GAPDHS: variants seen among roughly 807,000 people sequenced by gnomAD.
GAPDHS encodes glyceraldehyde-3-phosphate dehydrogenase, testis-specific.
GAPDHS carries 42 observed loss-of-function variants against 48.7 expected under a neutral mutation model. The ratio of observed to expected loss-of-function variants is 0.86; its 90% CI spans 0.67 to 1.12. GAPDHS has a LOEUF of 1.12. Ranked by LOEUF, GAPDHS falls within the 50% of genes most tolerant of loss-of-function variation. The pLI, the probability that GAPDHS is intolerant of heterozygous loss-of-function variation, is 0.00. For synonymous variants in GAPDHS, 166 were observed against 219.1 expected, an observed-to-expected ratio of 0.76 and a Z score of 2.14; for missense variants, 512 against 557.7, an observed-to-expected ratio of 0.92 and a Z score of 0.82.
In GAPDHS at chr19:35,538,570, C is replaced by T. The variant is rs778347393; in HGVS notation, c.343-7C>T. 4 of 1,562,768 alleles carry T rather than the reference C, an allele frequency of 2.6e-6. No homozygotes were observed. In the South Asian group the frequency reaches 4.5e-5, roughly 17 times the overall value. On this transcript the variant is annotated splice_polypyrimidine_tract_variant and splice_region_variant and intron_variant, in intron 3 of 10. Transcript: ENST00000222286. ...CCCAAGACTAGGAGCCATTCCATCC[C>T]CCACAGGTGTACATGTTTAAGTATG...
At chr19:35,536,151 G>A (rs2071464839) in intron 1 of GAPDHS, among the ~76,000 whole-genome samples, 2 of 151,992 alleles carry the variant, frequency 1.3e-5, no homozygotes. Context: ...ACATTTCCTC[G>A]GCTTGGTCAT....
chr19:35,536,280 G>T (rs563482281), intron 1 of GAPDHS, among the ~76,000 whole-genome samples: 13 of 151,982 alleles, frequency 8.6e-5, no homozygotes, highest in Non-Finnish European at 1.5e-4. Flanking sequence ...AGCGATCTAT[G>T]TTGAAAGTAC....
At chr19:35,536,787 C>A in intron 1 of GAPDHS, 26 bp from the exon 2 acceptor site, 1 of 1,561,576 alleles carries the variant, frequency 6.4e-7, no homozygotes. Flanking sequence ...GGTCATGCAA[C>A]CCATTCCCTC....
chr19:35,542,414 G>C lies in GAPDHS; in HGVS notation c.540+5G>C. ...CTCTCCATACAGGCAGCTTCGGTAA[G>C]CTGGGGAGAGGTGCCCAGGGCTAGC... On this transcript the variant is annotated splice_donor_5th_base_variant and intron_variant, in intron 5 of 10. Transcript: ENST00000222286. 1.2e-6 allele frequency: 2 copies of C among 1,610,684 alleles called. No individual in the cohort carries two copies. The highest frequency in any genetic ancestry group is 4.5e-5 in the East Asian group (2 of 44,848).
chr19:35,543,375 A>C lies in GAPDHS; in HGVS notation c.777A>C (p.Thr259=). Residue 259 remains threonine (T), a synonymous_variant, in exon 8 of 11, where the codon ACA becomes ACC. Coordinates refer to ENST00000222286, the MANE Select transcript of GAPDHS (RefSeq NM_014364.5). Reference sequence around the variant, plus strand: ...ATTCCTACACGGCCACCCAGAAGACAGTGGACGGGCCATCAAGGAAGGCCT... The same window carrying C: ...ATTCCTACACGGCCACCCAGAAGACCGTGGACGGGCCATCAAGGAAGGCCT... ...TVHSYTATQK[T]VDGPSRKAWR... The C allele has an allele frequency of 6.2e-7, 1 of 1,612,924 alleles. No homozygotes were observed. The highest frequency in any genetic ancestry group is 8.5e-7 in the Non-Finnish European group (1 of 1,179,624).
intron 4 of GAPDHS, 95 bp from the exon 5 acceptor site, chr19:35,542,224 G>A (rs752156823): frequency 3.2e-5 from 27 of 838,908 alleles, no homozygotes; most frequent in Admixed American, 1.1e-4. Context: ...CAGGTGGGCC[G>A]GTACCTGCTC....
At chr19:35,544,803 T>C (rs2071533137) in intron 9 of GAPDHS, 106 bp from the exon 10 acceptor site, 1 of 761,776 alleles carries the variant, frequency 1.3e-6, no homozygotes, top group Non-Finnish European at 2.4e-6. Context: ...ACATCAAATA[T>C]TATAGATGAA....
intron 4 of GAPDHS, 28 bp from the exon 5 acceptor site, chr19:35,542,291 C>A (rs757680961): frequency 4.7e-6 from 7 of 1,485,190 alleles, no homozygotes; most frequent in Admixed American, 3.3e-5. Flanking sequence ...GCAGGGGAGA[C>A]TGACTCAGCC....
At chr19:35,540,189 T>C (rs1174032157) in intron 4 of GAPDHS, among the ~76,000 whole-genome samples, 1 of 152,234 alleles carries the variant, frequency 6.6e-6, no homozygotes, top group Non-Finnish European at 1.5e-5. Context: ...TTGTGGACAC[T>C]TAAACGGGCA....
chr19:35,542,515 G>T lies in GAPDHS; in HGVS notation c.566G>T (p.Arg189Leu). The change falls in exon 6 of 11, where the codon CGT becomes CTT. Residue 189 changes from arginine (R) to leucine (L), a missense_variant. Physicochemically the swap from Arg to Leu is moderately radical, Grantham distance 102. Transcript: ENST00000222286. The stretch of plus-strand genomic sequence containing the variant: ...GACCACATCTCTGCAGGTGCTCAAC[G>T]TGTGGTCATCTCCGCGCCCTCACCG... ...ASDHISAGAQ[R>L]VVISAPSPDA... 6.2e-7 allele frequency: 1 copy of T among 1,613,894 alleles called. No homozygotes were observed. The highest frequency in any genetic ancestry group is 1.1e-5 in the South Asian group (1 of 91,074).
At position 35,545,169 on chromosome 19, in the gene GAPDHS, G is replaced by A. The variant is rs202041790; in HGVS notation, c.1226G>A (p.Ter409=). The A allele has an allele frequency of 8.1e-6, 13 of 1,612,138 alleles. No individual in the cohort carries two copies. In the East Asian group the frequency reaches 2.7e-4, roughly 33 times the overall value. Residue 409 remains the stop codon, a stop_retained_variant, in exon 11 of 11, where the codon TGA becomes TAA. Coordinates refer to ENST00000222286, the MANE Select transcript of GAPDHS (RefSeq NM_014364.5). ...LLRYMFSRDK[*] ...CGCTACATGTTCAGCCGAGACAAGT[G>A]AAACGGGAAGGTCCTTTCTTTCCTT...
rs775990047 is a variant in GAPDHS at position 35,543,479 on chromosome 19, C to T, written c.881C>T (p.Pro294Leu). 10 of 1,605,414 alleles carry T rather than the reference C, an allele frequency of 6.2e-6. No homozygotes were observed. Among genetic ancestry groups the T allele is most frequent in the South Asian group, 5.5e-5 (5 of 90,116 alleles). ...GAAKAVTKVIPELKGKLTGMA... is the reference protein window; with the variant it reads ...GAAKAVTKVILELKGKLTGMA... ...GCGAAAGCTGTGACCAAAGTCATCC[C>T]AGAGCTCAAAGGGTATGAGGACAAG... The change falls in exon 8 of 11, where the codon CCA (proline) becomes CTA (leucine). Residue 294 changes from proline to leucine, a missense_variant. Physicochemically the swap from Pro to Leu is moderately conservative, Grantham distance 98. Coordinates refer to ENST00000222286, the MANE Select transcript of GAPDHS (RefSeq NM_014364.5).
At chr19:35,540,241 C>G (rs1325484441) in intron 4 of GAPDHS, among the ~76,000 whole-genome samples, 2 of 152,278 alleles carry the variant, frequency 1.3e-5, no homozygotes, top group Non-Finnish European at 2.9e-5. Flanking sequence ...GCTCTGTCAA[C>G]TGGTACCACC....
At chr19:35,534,984 T>G (rs1486285233) in intron 1 of GAPDHS, among the ~76,000 whole-genome samples, 6 of 152,026 alleles carry the variant, frequency 3.9e-5, no homozygotes, top group Admixed American at 1.3e-4. Flanking sequence ...AGGATCAGAC[T>G]TCCCTCCTCT....
Position 35,536,893 on chromosome 19 carries a change from G to A in GAPDHS, c.148G>A (p.Glu50Lys), listed in dbSNP as rs55744209. The A allele has an allele frequency of 5.1e-5, 82 of 1,613,858 alleles. No homozygotes were observed. Among genetic ancestry groups the A allele is most frequent in the Non-Finnish European group, 6.2e-5 (73 of 1,179,972 alleles). The change falls in exon 2 of 11, where the codon GAA becomes AAA. Residue 50 changes from glutamate to lysine, a missense_variant. Glu to Lys is a moderately conservative substitution (Grantham distance 56). Coordinates refer to ENST00000222286, the MANE Select transcript of GAPDHS (RefSeq NM_014364.5). ...PQPEPTPVRE[E>K]IKPPPPPLPP... ...ACCAGAGCCCACACCAGTCAGGGAG[G>A]AAATAAAGCCACCACCGCCACCACT...
At chr19:35,535,772 A>AT (rs35758620) in intron 1 of GAPDHS, among the ~76,000 whole-genome samples, 36,835 of 129,552 alleles carry the variant, frequency 0.28, 5,195 homozygotes, top group African/African-American at 0.4. Context: ...TCCTCAGGTG[A>AT]TTTTTTTTTT....
At chr19:35,538,546 C>T in intron 3 of GAPDHS, 31 bp from the exon 4 acceptor site, 2 of 1,439,598 alleles carry the variant, frequency 1.4e-6, no homozygotes, top group South Asian at 1.2e-5. Flanking sequence ...CCCTGCCACC[C>T]CAAGACTAGG....
At chr19:35,542,446 G>C (rs772059402) in intron 5 of GAPDHS, 37 bp downstream of exon 5, 1 of 1,599,354 alleles carries the variant, frequency 6.3e-7, no homozygotes, top group Non-Finnish European at 8.6e-7. Context: ...TAGCTGGGGG[G>C]ATGATGGTGC....
intron 10 of GAPDHS, 25 bp downstream of exon 10, chr19:35,545,031 T>C (rs2071535580): frequency 6.2e-7 from 1 of 1,606,398 alleles, no homozygotes; most frequent in Non-Finnish European, 8.5e-7. Context: ...GCTGGAGACT[T>C]AGAGGGAGGG....
Sources: allele counts gnomAD v4.1 joint callset (sites outside exome capture counted in the v4.1 genomes callset), GRCh38; gene constraint gnomAD v4.1.1; transcripts MANE v1.5; gene names NCBI Gene and HGNC (gene_info 2026-07-23, HGNC 2026-07-21).